Variants in BUB1B observed in about 807,000 individuals in gnomAD.
BUB1B encodes mitotic checkpoint serine/threonine-protein kinase BUB1 beta.
BUB1B carries 86 observed loss-of-function variants against 137.7 expected under a neutral mutation model. The ratio of observed to expected loss-of-function variants is 0.62; its 90% CI spans 0.52 to 0.75. BUB1B has a LOEUF of 0.75. BUB1B is among the 30% of genes least tolerant of loss of function. BUB1B has a pLI of 0.00. For synonymous variants in BUB1B, 420 were observed against 417.9 expected (o/e 1.00, Z -0.06); for missense variants, 1,130 against 1,236.9 (o/e 0.91, Z 1.30).
intron 1 of BUB1B, among the ~76,000 whole-genome samples, chr15:40,161,780 C>T (rs1032999354): frequency 2.0e-5 from 3 of 152,198 alleles, no homozygotes; most frequent in African/African-American, 7.2e-5. Context: ...CCTTTTTCTG[C>T]ATGTTTGCGG....
chr15:40,220,612 T>G lies in BUB1B; in HGVS notation c.3006T>G (p.Asn1002Lys). The G allele has an allele frequency of 6.2e-7, 1 of 1,614,226 alleles. No homozygotes were observed. The highest frequency in any genetic ancestry group is 8.5e-7 in the Non-Finnish European group (1 of 1,180,038). ...ATAAATTCTTTGTGCGGATTCTGAA[T>G]GCCAATGATGAGGCCACAGTGTCTG... ...LWNKFFVRILNANDEATVSVL... is the reference protein window; with the variant it reads ...LWNKFFVRILKANDEATVSVL... The change falls in exon 23 of 23, where the codon AAT becomes AAG. Residue 1002 changes from asparagine (N) to lysine (K), a missense_variant. Coordinates refer to ENST00000287598, the MANE Select transcript of BUB1B (RefSeq NM_001211.6).
rs556257152 is a variant in BUB1B at position 40,163,683 on chromosome 15, C to G, written c.36-1370C>G. Among the ~76,000 whole-genome samples the G allele has an allele frequency of 5.3e-5, 8 of 152,274 alleles. No individual in the cohort carries two copies. The South Asian group carries it at 1.5e-3, about 28-fold the overall frequency. ...TAAATGTTCTTAAGTGTACGGATAGCTCACATTTATTTCAATATTTAGTAT... is the reference window on the plus strand; with the variant it reads ...TAAATGTTCTTAAGTGTACGGATAGGTCACATTTATTTCAATATTTAGTAT... On this transcript the variant is annotated intron_variant, in intron 1 of 22. Coordinates refer to ENST00000287598, the MANE Select transcript of BUB1B (RefSeq NM_001211.6).
intron 22 of BUB1B, among the ~76,000 whole-genome samples, chr15:40,220,279 A>T (rs568737447): frequency 1.3e-5 from 2 of 152,214 alleles, no homozygotes; most frequent in Non-Finnish European, 2.9e-5. Context: ...TTCTATTTGT[A>T]GAAGAAAAGT....
At chr15:40,200,455 A>G (rs188736195) in intron 11 of BUB1B, 96 bp downstream of exon 11, 375 of 859,684 alleles carry the variant, frequency 4.4e-4, no homozygotes, top group Non-Finnish European at 2.7e-4. Context: ...TGACGTTTAC[A>G]GTATCGAGAC....
intron 2 of BUB1B, among the ~76,000 whole-genome samples, chr15:40,169,285 G>T (rs927047683): frequency 6.6e-6 from 1 of 151,046 alleles, no homozygotes; most frequent in Non-Finnish European, 1.5e-5. Flanking sequence ...AGTTTTTTTT[G>T]AACTTTAAAA....
intron 11 of BUB1B, among the ~76,000 whole-genome samples, 165 bp downstream of exon 11, chr15:40,200,524 G>A (rs2037554459): frequency 1.3e-5 from 2 of 152,152 alleles, no homozygotes; most frequent in Admixed American, 6.5e-5. Flanking sequence ...GGAGGACAGA[G>A]CATTGACTAT....
At chr15:40,205,361 T>C (rs1351142569) in intron 14 of BUB1B, among the ~76,000 whole-genome samples, 3 of 152,198 alleles carry the variant, frequency 2.0e-5, no homozygotes, top group East Asian at 3.8e-4. Flanking sequence ...AAAATTAATC[T>C]CTGGTATCCA....
intron 2 of BUB1B, among the ~76,000 whole-genome samples, chr15:40,168,626 T>A (rs1188945662): frequency 6.6e-6 from 1 of 152,184 alleles, no homozygotes; most frequent in Non-Finnish European, 1.5e-5. Flanking sequence ...AAATCTTATA[T>A]TTAAGATGCC....
chr15:40,176,102 C>G (rs1013086547), intron 4 of BUB1B, among the ~76,000 whole-genome samples: 5 of 152,152 alleles, frequency 3.3e-5, no homozygotes, highest in African/African-American at 7.2e-5. Flanking sequence ...GCGCCTTCCA[C>G]CATGCCCAGC....
chr15:40,185,412 A>G, intron 7 of BUB1B, 33 bp downstream of exon 7: 2 of 1,605,470 alleles, frequency 1.2e-6, no homozygotes. Context: ...CTTTGCTGAC[A>G]CAACAAAGAC....
At chr15:40,188,341 C>G (rs1252052477) in intron 8 of BUB1B, among the ~76,000 whole-genome samples, 1 of 152,080 alleles carries the variant, frequency 6.6e-6, no homozygotes. Flanking sequence ...CCATGCCCGA[C>G]CTAAACTTAT....
chr15:40,188,016 AC>A (rs2037389570), intron 8 of BUB1B, among the ~76,000 whole-genome samples: 1 of 152,232 alleles, frequency 6.6e-6, no homozygotes, highest in Non-Finnish European at 1.5e-5. Context: ...TAGAAACATG[AC>A]TTATGTTAAA....
chr15:40,205,871 G>A (rs750209432), intron 14 of BUB1B, among the ~76,000 whole-genome samples: 5 of 152,210 alleles, frequency 3.3e-5, no homozygotes, highest in African/African-American at 7.2e-5. Context: ...TAGGAGGATA[G>A]CAAATCATTA....
chr15:40,180,148 A>G (rs1052406966), intron 5 of BUB1B, among the ~76,000 whole-genome samples: 3 of 151,464 alleles, frequency 2.0e-5, no homozygotes, highest in Non-Finnish European at 4.4e-5. Flanking sequence ...TCCGTTGTCA[A>G]TTAATTCTCC....
At chr15:40,212,814 C>T (rs760190598) in intron 19 of BUB1B, among the ~76,000 whole-genome samples, 166 bp downstream of exon 19, 1 of 152,076 alleles carries the variant, frequency 6.6e-6, no homozygotes, top group Non-Finnish European at 1.5e-5. Flanking sequence ...CCAAAGATCT[C>T]TTTGGTATTT....
chr15:40,168,061 A>G (rs2037121645), intron 2 of BUB1B, among the ~76,000 whole-genome samples: 1 of 150,956 alleles, frequency 6.6e-6, no homozygotes, highest in African/African-American at 2.4e-5. Flanking sequence ...AAAAGAGCCT[A>G]CTGAAAAAGA....
At chr15:40,173,412 A>C (rs887262649) in intron 4 of BUB1B, among the ~76,000 whole-genome samples, 1 of 152,104 alleles carries the variant, frequency 6.6e-6, no homozygotes, top group Admixed American at 6.6e-5. Flanking sequence ...TAATTAGAAT[A>C]ATTTATCTGT....
rs992440628 is a variant in BUB1B at position 40,199,954 on chromosome 15, C to T, written c.1401+227C>T. 7.3e-5 allele frequency: 43 copies of T among 586,448 alleles called. No homozygotes were observed. In the African/African-American group the frequency reaches 7.5e-4, roughly 10 times the overall value. The allele number at this position is 586,448 out of a possible 1,614,324, so 36.3% of individuals were successfully genotyped here. ...GCAGTTTATTGACTTCTTAGTTATA[C>T]TCCAAATCATTATGTTATTAATTCT... On this transcript the variant is annotated intron_variant, in intron 10 of 22. Coordinates refer to ENST00000287598, the MANE Select transcript of BUB1B (RefSeq NM_001211.6).
intron 4 of BUB1B, among the ~76,000 whole-genome samples, chr15:40,173,295 T>TAA (rs61078619): frequency 0.012 from 1,032 of 85,842 alleles, 9 homozygotes; most frequent in African/African-American, 0.033. Flanking sequence ...GAAAAAAAGA[T>TAA]AAAAAAAAAA....
Sources: allele counts gnomAD v4.1 joint callset (sites outside exome capture counted in the v4.1 genomes callset), GRCh38; gene constraint gnomAD v4.1.1; transcripts MANE v1.5; gene names NCBI Gene and HGNC (gene_info 2026-07-23, HGNC 2026-07-21).